STS: variants seen among roughly 807,000 people sequenced by gnomAD.
STS encodes the protein steroid sulfatase, also known as steryl-sulfatase.
A neutral mutation model predicts 26.8 loss-of-function variants in STS; 7 were observed. The ratio of observed to expected loss-of-function variants is 0.26; its 90% CI spans 0.15 to 0.49. The LOEUF (loss-of-function observed/expected upper bound fraction) is 0.49, where lower values mean the gene tolerates loss of function less well. Among genes scored for constraint, STS ranks in the 20% least tolerant of loss-of-function variants. STS has a pLI of 0.98. For missense variants in STS, 434 were observed against 465.6 expected, an observed-to-expected ratio of 0.93 and a Z score of 0.63; for synonymous variants, 199 against 189.4, an observed-to-expected ratio of 1.05 and a Z score of -0.42.
chrX:7,150,740 TAA>T (rs1253920959), intron 1 of STS, among the ~76,000 whole-genome samples: 1 of 100,831 alleles, frequency 9.9e-6, no homozygotes, highest in African/African-American at 3.6e-5. Context: ...CCTCTTTGCT[TAA>T]AAAAAAAAAA....
At chrX:7,223,085 T>C (rs1460169331) in intron 2 of STS, among the ~76,000 whole-genome samples, 2 of 112,263 alleles carry the variant, frequency 1.8e-5, no homozygotes, top group African/African-American at 6.5e-5. Context: ...AATTCATTCT[T>C]TTATATGACT....
chrX:7,334,049 G>C lies in STS; in HGVS notation c.1305G>C (p.Glu435Asp). The change falls in exon 10 of 11, where the codon GAG (glutamate) becomes GAC (aspartate). Residue 435 changes from glutamate to aspartate, a missense_variant. Around this residue, in one of 2 missense-constraint regions of STS, gnomAD observed 205 missense variants for 177.3 expected, o/e 1.16. Coordinates refer to ENST00000674429, the MANE Select transcript of STS (RefSeq NM_001320752.2). ...LEGKSQRSDH[E>D]FLFHYCNAYL... ...GAAAAAGCCAACGCTCCGATCATGA[G>C]TTTCTCTTCCATTACTGCAACGCCT... 1 of 1,209,751 alleles carries C rather than the reference G, an allele frequency of 8.3e-7. No homozygotes were observed. Among genetic ancestry groups the C allele is most frequent in the Middle Eastern group, 2.3e-4 (1 of 4,354 alleles).
At chrX:7,322,441 C>A (rs920459378) in intron 8 of STS, among the ~76,000 whole-genome samples, 1 of 112,088 alleles carries the variant, frequency 8.9e-6, no homozygotes, top group Non-Finnish European at 1.9e-5. Context: ...CACTCTGTTA[C>A]ACAGGCTAGA....
At chrX:7,316,426 G>T (rs1300605582) in intron 8 of STS, among the ~76,000 whole-genome samples, 3 of 111,913 alleles carry the variant, frequency 2.7e-5, no homozygotes, top group Non-Finnish European at 5.6e-5. Flanking sequence ...CTCATTTGTG[G>T]ATGTCTCATT....
At chrX:7,290,623 G>A (rs1253970710) in intron 7 of STS, among the ~76,000 whole-genome samples, 1 of 111,863 alleles carries the variant, frequency 8.9e-6, no homozygotes, top group African/African-American at 3.2e-5. Flanking sequence ...ATACTGGGAC[G>A]ATGATATCAT....
intron 1 of STS, among the ~76,000 whole-genome samples, chrX:7,186,125 A>G (rs1267219634): frequency 3.6e-5 from 4 of 112,567 alleles, no homozygotes; most frequent in African/African-American, 1.3e-4. Context: ...AGTACTTCCC[A>G]TTCACTTGGT....
chrX:7,353,879 G>C lies in STS; in HGVS notation c.*3618G>C, dbSNP rs762641153. The C allele has an allele frequency of 1.8e-5, 2 of 111,707 alleles. No individual in the cohort carries two copies. Among genetic ancestry groups the C allele is most frequent in the African/African-American group, 6.5e-5 (2 of 30,759 alleles). 9.2% of individuals were successfully genotyped at this position (111,707 alleles called of 1,213,427 possible). A position where few individuals can be genotyped will look rare whatever the true frequency, so the allele number is the denominator to read the frequency against. ...CTTGTTGCCTTCTCTTTAATGCCTA[G>C]AGAATGGGATGTGTGATGCAAATGC... On this transcript the variant is annotated 3_prime_UTR_variant, in exon 11 of 11. Coordinates refer to ENST00000674429, the MANE Select transcript of STS (RefSeq NM_001320752.2).
At chrX:7,192,577 A>T (rs1010369708) in intron 2 of STS, among the ~76,000 whole-genome samples, 5 of 110,493 alleles carry the variant, frequency 4.5e-5, no homozygotes, top group African/African-American at 1.6e-4. Context: ...AAAAAAAAAA[A>T]ATAGATGAAC....
chrX:7,155,681 G>A (rs1183658841), intron 1 of STS, among the ~76,000 whole-genome samples: 3 of 111,895 alleles, frequency 2.7e-5, no homozygotes, highest in Non-Finnish European at 5.6e-5. Flanking sequence ...ATGGCTTTAA[G>A]AAAGTTAAGA....
intron 2 of STS, among the ~76,000 whole-genome samples, chrX:7,191,407 T>G (rs912611488): frequency 8.9e-6 from 1 of 112,045 alleles, no homozygotes; most frequent in Non-Finnish European, 1.9e-5. Context: ...TCTAGTTGAA[T>G]CAGCAAAGGT....
intron 2 of STS, chrX:7,219,759 G>A (rs1052412612): frequency 9.1e-7 from 1 of 1,096,754 alleles, no homozygotes; most frequent in Non-Finnish European, 1.3e-6. Context: ...GTTCACAGCA[G>A]CTACCTGCTT....
At chrX:7,191,779 T>G (rs772345288) in intron 2 of STS, among the ~76,000 whole-genome samples, 7 of 99,725 alleles carry the variant, frequency 7.0e-5, no homozygotes, top group African/African-American at 1.1e-4. Context: ...TTTCCCCTGA[T>G]GGAGGTGAGG....
intron 7 of STS, among the ~76,000 whole-genome samples, chrX:7,279,297 A>G (rs1273345914): frequency 1.4e-5 from 1 of 71,528 alleles, no homozygotes; most frequent in African/African-American, 5.4e-5. Context: ...AAAAAAATAT[A>G]TATATATATA....
At chrX:7,215,055 A>T (rs1921238212) in intron 2 of STS, among the ~76,000 whole-genome samples, 1 of 93,034 alleles carries the variant, frequency 1.1e-5, no homozygotes, top group Non-Finnish European at 2.1e-5. Context: ...ATATATACGT[A>T]TATATGTATA....
intron 7 of STS, among the ~76,000 whole-genome samples, chrX:7,298,833 T>A (rs180754631): frequency 3.7e-5 from 4 of 108,436 alleles, no homozygotes; most frequent in Non-Finnish European, 7.6e-5. Context: ...CAGGGAGACT[T>A]TAGGGTACCA....
chrX:7,274,708 A>G (rs754035661), intron 6 of STS, among the ~76,000 whole-genome samples: 2 of 112,097 alleles, frequency 1.8e-5, no homozygotes, highest in South Asian at 7.5e-4. Flanking sequence ...AATTCAAATG[A>G]AGGAGGTTTA....
intron 7 of STS, among the ~76,000 whole-genome samples, chrX:7,283,766 T>G (rs1329355094): frequency 1.8e-5 from 2 of 111,039 alleles, no homozygotes; most frequent in South Asian, 3.9e-4. Flanking sequence ...CAGATGGTGG[T>G]GGGGGATGAG....
chrX:7,204,224 A>AT (rs1352630457), intron 2 of STS, among the ~76,000 whole-genome samples: 1 of 111,674 alleles, frequency 9.0e-6, no homozygotes, highest in African/African-American at 3.3e-5. Context: ...TGTTTAATTT[A>AT]TTTTTTCTTC....
At chrX:7,319,972 ATATATG>A (rs1926896051) in intron 8 of STS, among the ~76,000 whole-genome samples, 3 of 87,275 alleles carry the variant, frequency 3.4e-5, no homozygotes, top group African/African-American at 1.5e-4. Flanking sequence ...TATATTTTAT[ATATATG>A]TATATATATT....
Sources: gnomAD v4.1 joint callset for allele counts (sites outside exome capture counted in the v4.1 genomes callset) on GRCh38, gnomAD v4.1.1 for gene constraint, gnomAD v4.1.1 regional missense constraint, MANE v1.5 for transcripts, NCBI Gene and HGNC (gene_info 2026-07-23, HGNC 2026-07-21) for gene names.